The following PPM1J variants were observed in gnomAD, a reference collection of about 807,000 sequenced individuals.
PPM1J encodes the protein protein phosphatase, Mg2+/Mn2+ dependent 1J.
Under a neutral mutation model 53.3 loss-of-function variants are expected in PPM1J, and 43 were observed. The ratio of observed to expected loss-of-function variants is 0.81; its 90% CI spans 0.63 to 1.04. The LOEUF (loss-of-function observed/expected upper bound fraction) is 1.04. Ranked by LOEUF, PPM1J falls within the 50% of genes least tolerant of loss-of-function variation. The probability of loss-of-function intolerance (pLI) is 0.00; values close to 1 mark genes in which losing one functional copy is unlikely to be tolerated. For synonymous variants in PPM1J, 267 were observed against 286.4 expected (o/e 0.93, Z 0.68); for missense variants, 635 against 685.9 (o/e 0.93, Z 0.83).
intron 2 of PPM1J, among the ~76,000 whole-genome samples, 184 bp downstream of exon 2, chr1:112,713,313 G>A (rs1675118462): frequency 6.6e-6 from 1 of 152,142 alleles, no homozygotes; most frequent in African/African-American, 2.4e-5. Flanking sequence ...ATTTTAGGTG[G>A]GAAAGTAACA....
In PPM1J at chr1:112,710,191, G is replaced by A. The variant is rs1439305779; in HGVS notation, c.1490C>T (p.Pro497Leu). Residue 497 changes from proline (P) to leucine (L), a missense_variant, in exon 10 of 10, where the codon CCC becomes CTC. Pro to Leu is a moderately conservative substitution (Grantham distance 98, BLOSUM62 -3). Coordinates refer to ENST00000309276, the MANE Select transcript of PPM1J (RefSeq NM_005167.7). ...GGAGTAACTGCCTGGCCCTCCCAGG[G>A]GGATGACGAAGACAGAGATGTCATC... ...SGDDISVFVI[P>L]LGGPGSYS The A allele has an allele frequency of 1.3e-6, 2 of 1,575,988 alleles. No individual in the cohort carries two copies. The highest frequency in any genetic ancestry group is 2.1e-5 in the Admixed American group (1 of 48,220).
chr1:112,712,671 C>A (rs1675093793), intron 3 of PPM1J, 73 bp downstream of exon 3: 5 of 1,470,424 alleles, frequency 3.4e-6, no homozygotes, highest in Non-Finnish European at 4.6e-6. Context: ...CTCAGGGTAA[C>A]CCCCTCTGGC....
Position 112,710,487 on chromosome 1 carries a change from GACAGCACCCTGTCC to G in PPM1J, c.1329_1342del (p.Asp444GlyfsTer3). ...GCTGTGGTCATTAGGCTCATAGGCC[GACAGCACCCTGTCC>G]ACAGTGGCAGCTACCTCACAGTCAG... On this transcript the variant is annotated frameshift_variant, in exon 9 of 10. Transcript: ENST00000309276. LOFTEE classifies it high-confidence loss of function. 6.2e-7 allele frequency: 1 copy of G among 1,614,016 alleles called. No individual in the cohort carries two copies. Among genetic ancestry groups the G allele is most frequent in the Non-Finnish European group, 8.5e-7 (1 of 1,180,026 alleles).
rs778345677 is a variant in PPM1J at position 112,713,041 on chromosome 1, G to GA, written c.442-11dup. On this transcript the variant is annotated splice_polypyrimidine_tract_variant and intron_variant, in intron 2 of 9. Transcript: ENST00000309276. ...AGTAGAAGCAGAGTCCCTGGTGGAG[G>GA]AAAAGTTGGAGGTGAGTTTTGTTTG... The GA allele has an allele frequency of 6.3e-7, 1 of 1,576,744 alleles. No homozygotes were observed. The highest frequency in any genetic ancestry group is 2.3e-5 in the East Asian group (1 of 44,338).
intron 2 of PPM1J, 42 bp downstream of exon 2, chr1:112,713,455 G>T (rs765895690): frequency 7.2e-7 from 1 of 1,384,086 alleles, no homozygotes; most frequent in South Asian, 1.2e-5. Flanking sequence ...AGTCCCTGGG[G>T]AGAGGTGTCA....
At position 112,712,461 on chromosome 1, in the gene PPM1J, C is replaced by T. The variant is rs11811875; in HGVS notation, c.730-4G>A. On this transcript the variant is annotated splice_region_variant and splice_polypyrimidine_tract_variant and intron_variant, in intron 3 of 9. Coordinates refer to ENST00000309276, the MANE Select transcript of PPM1J (RefSeq NM_005167.7). ...GCTCCCGGGCCATCTGCTCATCCTGCCACATAAGGAAGGGTCAGAGGTGGG... is the reference window on the plus strand; with the variant it reads ...GCTCCCGGGCCATCTGCTCATCCTGTCACATAAGGAAGGGTCAGAGGTGGG... 5.0e-6 allele frequency: 8 copies of T among 1,612,638 alleles called. No homozygotes were observed. Among genetic ancestry groups the T allele is most frequent in the Non-Finnish European group, 4.2e-6 (5 of 1,179,028 alleles).
At position 112,713,533 on chromosome 1, in the gene PPM1J, ACTC is replaced by A. The variant is rs1675124145; in HGVS notation, c.402_404del (p.Arg134del). 6.2e-7 allele frequency: 1 copy of A among 1,613,396 alleles called. No individual in the cohort carries two copies. Among genetic ancestry groups the A allele is most frequent in the Non-Finnish European group, 8.5e-7 (1 of 1,179,894 alleles). ...TAGGCTCCCTAGGTACTCCTGTAAC[ACTC>A]CTCCGACCTTCCACATACACCACTT... On this transcript the variant is annotated inframe_deletion, in exon 2 of 10. Coordinates refer to ENST00000309276, the MANE Select transcript of PPM1J (RefSeq NM_005167.7).
In PPM1J at chr1:112,712,121, A is replaced by G. The variant is rs774497463; in HGVS notation, c.843-66T>C. ...CAGACCCACTCATGAAAAATTCCAG[A>G]AAGACCAGGCCCTCTCCATAATGAC... On this transcript the variant is annotated intron_variant, in intron 4 of 9. Coordinates refer to ENST00000309276, the MANE Select transcript of PPM1J (RefSeq NM_005167.7). 5.4e-5 allele frequency: 73 copies of G among 1,340,632 alleles called. 2 individuals are homozygous for G. The South Asian group carries it at 5.7e-4, about 11-fold the overall frequency. 83.0% of individuals were successfully genotyped at this position (1,340,632 alleles called of 1,614,324 possible).
intron 3 of PPM1J, 71 bp downstream of exon 3, chr1:112,712,673 C>T (rs1197922184): frequency 1.4e-6 from 2 of 1,477,848 alleles, no homozygotes; most frequent in Non-Finnish European, 1.8e-6. Flanking sequence ...CAGGGTAACC[C>T]CCTCTGGCTT....
At chr1:112,712,500 TCCAGCACACAGTCAC>T in intron 3 of PPM1J, 43 bp from the exon 4 acceptor site, 1 of 1,543,932 alleles carries the variant, frequency 6.5e-7, no homozygotes, top group African/African-American at 1.4e-5. Context: ...AAGGAGAGGT[TCCAGCACACAGTCAC>T]CCTCCCCCTA....
chr1:112,712,843 G>A lies in PPM1J; in HGVS notation c.630C>T (p.Pro210=). 6.2e-7 allele frequency: 1 copy of A among 1,613,834 alleles called. No homozygotes were observed. The highest frequency in any genetic ancestry group is 8.5e-7 in the Non-Finnish European group (1 of 1,180,026). The stretch of plus-strand genomic sequence containing the variant: ...AGGACTGAGGGCCAAGCAAGTGAGA[G>A]GGATCGGAGGAATCTGGGGTCCCCG... ...TTPGTPDSSD[P]SHLLGPQSCW... is the part of the protein sequence containing the mutation. Residue 210 remains proline, a synonymous_variant, in exon 3 of 10, where the codon CCC becomes CCT. Coordinates refer to ENST00000309276, the MANE Select transcript of PPM1J (RefSeq NM_005167.7).
In PPM1J at chr1:112,711,065, G is replaced by A; in HGVS notation, c.1053C>T (p.Tyr351=). Residue 351 remains tyrosine, a synonymous_variant, in exon 7 of 10, where the codon TAC becomes TAT. Transcript: ENST00000309276. The part of the protein sequence containing the change: ...YRDQNMTGWA[Y]KKIELEDLRF... Reference sequence around the variant, plus strand: ...TGAGATCCTCCAGCTCGATCTTTTTGTAGGCCCTGGGGAGGGGGGAGTAGA... The same window carrying A: ...TGAGATCCTCCAGCTCGATCTTTTTATAGGCCCTGGGGAGGGGGGAGTAGA... The A allele has an allele frequency of 6.2e-7, 1 of 1,614,002 alleles. No individual in the cohort carries two copies. The highest frequency in any genetic ancestry group is 8.5e-7 in the Non-Finnish European group (1 of 1,179,922).
rs35570703 is a variant in PPM1J, at chr1:112,710,607, C to A, written c.1223G>T (p.Arg408Leu). 3.1e-6 allele frequency: 5 copies of A among 1,614,034 alleles called. No individual in the cohort carries two copies. Among genetic ancestry groups the A allele is most frequent in the Non-Finnish European group, 1.7e-6 (2 of 1,180,034 alleles). The change falls in exon 9 of 10, where the codon CGA (arginine) becomes CTA (leucine). Residue 408 changes from arginine to leucine, a missense_variant. By Grantham distance (102) the Arg-to-Leu change is moderately radical. Coordinates refer to ENST00000309276, the MANE Select transcript of PPM1J (RefSeq NM_005167.7). ...KPFLSCFPEV[R>L]VYDLTQYEHC... ...CTCATATTGTGTCAGGTCATACACTCGTACCTGGTGGGAGAAAAGGGCAGA... is the reference window on the plus strand; with the variant it reads ...CTCATATTGTGTCAGGTCATACACTAGTACCTGGTGGGAGAAAAGGGCAGA...
At chr1:112,714,111 C>T (rs2101484762) in intron 1 of PPM1J, 2 of 1,008,218 alleles carry the variant, frequency 2.0e-6, no homozygotes. Flanking sequence ...AATGAGGAAG[C>T]TCTCCAGCCC....
At position 112,715,187 on chromosome 1, in the gene PPM1J, C is replaced by CGGCGGCG. The variant is rs1171485254; in HGVS notation, c.108_114dup (p.Ala39ArgfsTer26). On this transcript the variant is annotated frameshift_variant, in exon 1 of 10. Transcript: ENST00000309276. LOFTEE classifies it high-confidence loss of function. The surrounding 1 kb of genome is among the most constrained non-coding windows in gnomAD (Gnocchi z 4.4). ...GGAGGGCTCCTGGGCGCTTCTGGAG[C>CGGCGGCG]GGCGGCGGGCGGCGCCGAGGCGGCG... The CGGCGGCG allele has an allele frequency of 6.3e-6, 9 of 1,420,074 alleles. No individual in the cohort carries two copies. Among genetic ancestry groups the CGGCGGCG allele is most frequent in the Non-Finnish European group, 8.2e-6 (9 of 1,093,392 alleles). The allele number at this position is 1,420,074 out of a possible 1,614,324, so 88.0% of individuals were successfully genotyped here. A position where few individuals can be genotyped will look rare whatever the true frequency, so the allele number is the denominator to read the frequency against.
chr1:112,710,365 T>TA, intron 9 of PPM1J, 55 bp from the exon 10 acceptor site: 1 of 1,612,088 alleles, frequency 6.2e-7, no homozygotes, highest in Non-Finnish European at 8.5e-7. Context: ...GGAAGACAGA[T>TA]ACACAGGCCC....
chr1:112,711,529 C>T (rs1675060193), intron 5 of PPM1J, 145 bp from the exon 6 acceptor site: 2 of 609,678 alleles, frequency 3.3e-6, no homozygotes, highest in South Asian at 3.9e-5. Flanking sequence ...CAAATATTAA[C>T]TCATTTACTC....
chr1:112,713,804 C>T (rs750784148), intron 1 of PPM1J, among the ~76,000 whole-genome samples, 193 bp from the exon 2 acceptor site: 11 of 152,066 alleles, frequency 7.2e-5, no homozygotes, highest in Admixed American at 3.3e-4. Flanking sequence ...GGGTGGCCAG[C>T]CCTACCACTT....
At position 112,713,661 on chromosome 1, in the gene PPM1J, G is replaced by A. The variant is rs777597721; in HGVS notation, c.327-50C>T. 6 of 1,415,054 alleles carry A rather than the reference G, an allele frequency of 4.2e-6. No homozygotes were observed. The East Asian group carries it at 1.4e-4, about 32-fold the overall frequency. 87.7% of individuals were successfully genotyped at this position (1,415,054 alleles called of 1,614,324 possible). On this transcript the variant is annotated intron_variant, in intron 1 of 9. Transcript: ENST00000309276. ...AGGTTGGACACCAGACCAGGTCCTG[G>A]AATAACCCCCACCTTAGACACACAC...
Sources: gnomAD v4.1 joint callset for allele counts (sites outside exome capture counted in the v4.1 genomes callset) on GRCh38, gnomAD v4.1.1 for gene constraint, Gnocchi (gnomAD v3.1) non-coding constraint, MANE v1.5 for transcripts, NCBI Gene and HGNC (gene_info 2026-07-23, HGNC 2026-07-21) for gene names.